The following DPP10 variants were observed in gnomAD, a reference collection of about 807,000 sequenced individuals.
The protein encoded by DPP10 is dipeptidyl peptidase like 10, also known as inactive dipeptidyl peptidase 10.
DPP10 carries 33 observed loss-of-function variants against 120.9 expected under a neutral mutation model. The ratio of observed to expected loss-of-function variants is 0.27; its 90% CI spans 0.21 to 0.37. The LOEUF (loss-of-function observed/expected upper bound fraction) is 0.37. DPP10 is among the 10% of genes least tolerant of loss of function. The pLI, the probability that DPP10 is intolerant of heterozygous loss-of-function variation, is 1.00. For synonymous variants in DPP10, 337 were observed against 326.1 expected (o/e 1.03, Z -0.36); for missense variants, 816 against 942.8 (o/e 0.87, Z 1.76).
At chr2:114,621,373 C>A (rs111303408) in intron 1 of DPP10, among the ~76,000 whole-genome samples, 1 of 151,676 alleles carries the variant, frequency 6.6e-6, no homozygotes, top group African/African-American at 2.4e-5. Flanking sequence ...TGCTAATATG[C>A]CTTTTATCTA....
chr2:114,509,619 C>T (rs1683968873), intron 1 of DPP10, among the ~76,000 whole-genome samples: 1 of 152,158 alleles, frequency 6.6e-6, no homozygotes, highest in Non-Finnish European at 1.5e-5. Flanking sequence ...GCTTGGTGAT[C>T]TCTCTTTATA....
intron 1 of DPP10, among the ~76,000 whole-genome samples, chr2:114,873,976 T>G (rs778344860): frequency 6.6e-6 from 1 of 152,220 alleles, no homozygotes; most frequent in Non-Finnish European, 1.5e-5. Context: ...ATCTGTCGCT[T>G]CAGTGGAGAA....
intron 1 of DPP10, among the ~76,000 whole-genome samples, chr2:114,538,741 A>G (rs1227497331): frequency 1.3e-5 from 2 of 152,212 alleles, no homozygotes; most frequent in Non-Finnish European, 2.9e-5. Context: ...TGGGTGACAG[A>G]TGCAGCATGT....
At chr2:114,716,831 C>T (rs1249054654) in intron 1 of DPP10, among the ~76,000 whole-genome samples, 1 of 152,168 alleles carries the variant, frequency 6.6e-6, no homozygotes, top group Non-Finnish European at 1.5e-5. Context: ...TAAGGATCCA[C>T]TATTTGAGGA....
intron 5 of DPP10, among the ~76,000 whole-genome samples, chr2:115,686,981 C>T (rs1193760364): frequency 5.3e-5 from 8 of 151,726 alleles, no homozygotes; most frequent in Non-Finnish European, 4.4e-5. Flanking sequence ...TTGATTTTAC[C>T]CTCTCGTCAT....
At chr2:115,088,054 C>T (rs1297460928) in intron 1 of DPP10, among the ~76,000 whole-genome samples, 3 of 152,142 alleles carry the variant, frequency 2.0e-5, no homozygotes, top group Non-Finnish European at 4.4e-5. Context: ...GGAGAGCCCT[C>T]TTCTTGGTTT....
At chr2:115,156,039 G>C (rs1444656189) in intron 1 of DPP10, among the ~76,000 whole-genome samples, 1 of 152,144 alleles carries the variant, frequency 6.6e-6, no homozygotes, top group African/African-American at 2.4e-5. Context: ...CTCCCAAAAA[G>C]ATACAGATGT....
At chr2:114,935,102 C>T (rs984571551) in intron 1 of DPP10, among the ~76,000 whole-genome samples, 3 of 152,132 alleles carry the variant, frequency 2.0e-5, no homozygotes, top group Non-Finnish European at 2.9e-5. Context: ...ACTCATGTAA[C>T]CATGTCATTC....
intron 1 of DPP10, among the ~76,000 whole-genome samples, chr2:115,239,918 C>A (rs1037266132): frequency 6.6e-6 from 1 of 152,298 alleles, no homozygotes; most frequent in East Asian, 1.9e-4. Context: ...TGTGTCCCTG[C>A]AAAGGACATG....
intron 1 of DPP10, among the ~76,000 whole-genome samples, chr2:115,280,652 G>A (rs2105872312): frequency 6.6e-6 from 1 of 152,288 alleles, no homozygotes; most frequent in Admixed American, 6.5e-5. Context: ...AAGATTTCTT[G>A]AGTTAACCTT....
chr2:115,171,518 C>G (rs1476145855), intron 1 of DPP10, among the ~76,000 whole-genome samples: 4 of 151,906 alleles, frequency 2.6e-5, no homozygotes, highest in Non-Finnish European at 4.4e-5. Context: ...AAATGTCACA[C>G]CTTTGTATTC....
intron 5 of DPP10, among the ~76,000 whole-genome samples, chr2:115,630,584 A>G (rs910822003): frequency 2.0e-5 from 3 of 152,150 alleles, no homozygotes; most frequent in African/African-American, 4.8e-5. Flanking sequence ...TGTTCCTTCA[A>G]TACCTAGTTT....
intron 3 of DPP10, among the ~76,000 whole-genome samples, chr2:115,381,095 G>C (rs1022205917): frequency 6.6e-6 from 1 of 152,024 alleles, no homozygotes; most frequent in African/African-American, 2.4e-5. Context: ...TCTGAATGTT[G>C]GCCTGCCTTG....
intron 3 of DPP10, among the ~76,000 whole-genome samples, chr2:115,479,138 A>T (rs2075276503): frequency 6.6e-6 from 1 of 152,194 alleles, no homozygotes; most frequent in Non-Finnish European, 1.5e-5. Context: ...CAAAAGCTAA[A>T]ATGTGGAAGC....
intron 5 of DPP10, among the ~76,000 whole-genome samples, chr2:115,585,358 A>G (rs1296759879): frequency 6.6e-6 from 1 of 152,216 alleles, no homozygotes; most frequent in East Asian, 1.9e-4. Flanking sequence ...GAAGACATAT[A>G]ATAGAATAAA....
At chr2:115,223,212 C>T (rs1050440999) in intron 1 of DPP10, among the ~76,000 whole-genome samples, 4 of 152,020 alleles carry the variant, frequency 2.6e-5, no homozygotes, top group African/African-American at 9.7e-5. Context: ...GCTTTTCCCT[C>T]AAGTAAGTTT....
In DPP10 at chr2:115,076,071, C is replaced by T. The variant is rs932943504; in HGVS notation, c.61-233168C>T. On this transcript the variant is annotated intron_variant, in intron 1 of 25. Coordinates refer to ENST00000410059, the MANE Select transcript of DPP10 (RefSeq NM_020868.6). ...TGTGGAAGCAGAGACATTTCTTAAC[C>T]TCCCAATCTCCACATCTACCTTATA... Among the ~76,000 whole-genome samples the T allele has an allele frequency of 2.0e-5, 3 of 152,190 alleles. No homozygotes were observed. The South Asian group carries it at 6.2e-4, about 32-fold the overall frequency.
intron 1 of DPP10, among the ~76,000 whole-genome samples, chr2:114,867,034 G>A (rs1213794931): frequency 6.6e-6 from 1 of 152,136 alleles, no homozygotes; most frequent in Non-Finnish European, 1.5e-5. Context: ...ATGAATTTCT[G>A]TTCTGTATTA....
rs181149976 is a variant in DPP10 at position 115,600,842 on chromosome 2, A to T, written c.441+74870A>T. Among the ~76,000 whole-genome samples, 1,231 of 152,302 alleles carry T rather than the reference A, an allele frequency of 8.1e-3. 25 individuals carry two copies. Among genetic ancestry groups the T allele is most frequent in the Non-Finnish European group, 6.5e-3 (442 of 68,018 alleles). ...CTATCAGCAGATACCATCTAATTTAAATTTGCACAAAAGCATAACTGCTGT... is the reference window on the plus strand; with the variant it reads ...CTATCAGCAGATACCATCTAATTTATATTTGCACAAAAGCATAACTGCTGT... On this transcript the variant is annotated intron_variant, in intron 5 of 25. Transcript: ENST00000410059.
Sources: allele counts gnomAD v4.1 joint callset (sites outside exome capture counted in the v4.1 genomes callset), GRCh38; gene constraint gnomAD v4.1.1; transcripts MANE v1.5; gene names NCBI Gene and HGNC (gene_info 2026-07-23, HGNC 2026-07-21).